The following C5orf46 variants were observed in gnomAD, a reference collection of about 807,000 sequenced individuals.
The protein encoded by C5orf46 is uncharacterized protein C5orf46.
Under a neutral mutation model 8.9 loss-of-function variants are expected in C5orf46, and 9 were observed. The observed-to-expected ratio is 1.01, with a 90% CI of 0.61 to 1.76. The LOEUF (loss-of-function observed/expected upper bound fraction) is 1.76, where lower values mean the gene tolerates loss of function less well. C5orf46 is among the 40% of genes most tolerant of loss of function. C5orf46 has a pLI of 0.00. For missense variants in C5orf46, 98 were observed against 107.8 expected (o/e 0.91, Z 0.40); for synonymous variants, 47 against 41.4 (o/e 1.14, Z -0.52).
chr5:147,900,745 C>T (rs955068174), intron 2 of C5orf46, among the ~76,000 whole-genome samples: 9 of 152,222 alleles, frequency 5.9e-5, no homozygotes, highest in African/African-American at 9.6e-5. Context: ...CCTAGTCAAA[C>T]TCTGCTTAAG....
chr5:147,902,045 A>G (rs1757680421), intron 1 of C5orf46, among the ~76,000 whole-genome samples: 1 of 152,234 alleles, frequency 6.6e-6, no homozygotes, highest in African/African-American at 2.4e-5. Context: ...AGTTCCCAGA[A>G]GCTAAGTACT....
chr5:147,895,680 G>A (rs1283144737), intron 3 of C5orf46, among the ~76,000 whole-genome samples: 1 of 152,124 alleles, frequency 6.6e-6, no homozygotes, highest in East Asian at 1.9e-4. Flanking sequence ...AAAAATTATA[G>A]GTGTGTACCA....
At chr5:147,903,568 C>G (rs923706997) in intron 1 of C5orf46, among the ~76,000 whole-genome samples, 2 of 152,040 alleles carry the variant, frequency 1.3e-5, no homozygotes, top group African/African-American at 2.4e-5. Flanking sequence ...AAAATGGAAA[C>G]TATTAGTAAA....
chr5:147,902,194 G>C (rs978534414), intron 1 of C5orf46, among the ~76,000 whole-genome samples: 3 of 152,176 alleles, frequency 2.0e-5, no homozygotes, highest in African/African-American at 7.2e-5. Flanking sequence ...GCTCATGCCT[G>C]TAATCCCAGC....
At chr5:147,901,430 G>T in intron 2 of C5orf46, 199 bp downstream of exon 2, 1 of 458,988 alleles carries the variant, frequency 2.2e-6, no homozygotes. Flanking sequence ...TGATGGGAAT[G>T]TCCTTTCCCC....
chr5:147,891,634 T>C (rs1361919797), downstream of C5orf46, among the ~76,000 whole-genome samples: 1 of 152,182 alleles, frequency 6.6e-6, no homozygotes, highest in Non-Finnish European at 1.5e-5. Context: ...TTGTAGTAAA[T>C]ATGTTATCTA....
intron 2 of C5orf46, chr5:147,901,384 AAAG>A: frequency 3.3e-6 from 1 of 303,290 alleles, no homozygotes; most frequent in East Asian, 5.3e-5. Flanking sequence ...CTGAGATTAA[AAAG>A]AAAAAAAAAA....
intron 3 of C5orf46, among the ~76,000 whole-genome samples, chr5:147,893,450 A>T (rs1305146624): frequency 6.6e-6 from 1 of 151,502 alleles, no homozygotes; most frequent in Non-Finnish European, 1.5e-5. Context: ...ACACCTGGCT[A>T]ATTTTTTGTA....
chr5:147,888,856 T>G (rs1168825433), downstream of C5orf46, among the ~76,000 whole-genome samples: 1 of 152,212 alleles, frequency 6.6e-6, no homozygotes, highest in Admixed American at 6.5e-5. Context: ...ATTCTTTAAG[T>G]GTATACTTTA....
At chr5:147,898,354 G>A (rs886619468) in intron 2 of C5orf46, among the ~76,000 whole-genome samples, 2 of 152,116 alleles carry the variant, frequency 1.3e-5, no homozygotes, top group African/African-American at 4.8e-5. Flanking sequence ...GTGATGATGA[G>A]CAGGAAGGAT....
chr5:147,889,250 T>A (rs1328828153), downstream of C5orf46, among the ~76,000 whole-genome samples: 1 of 152,110 alleles, frequency 6.6e-6, no homozygotes, highest in Non-Finnish European at 1.5e-5. Flanking sequence ...GAGAAATTAT[T>A]CAGTGACAGT....
chr5:147,902,040 C>A (rs574194224), intron 1 of C5orf46, among the ~76,000 whole-genome samples: 22 of 152,236 alleles, frequency 1.4e-4, no homozygotes, highest in African/African-American at 5.3e-4. Flanking sequence ...ACCAAAGTTC[C>A]CAGAAGCTAA....
chr5:147,886,604 T>TTTTTTCAATGAAAAAG (rs1757424447), intron 2 of C5orf46: 3 of 151,322 alleles, frequency 2.0e-5, no homozygotes, highest in Non-Finnish European at 4.4e-5. Context: ...AAACCACTGT[T>TTTTTTCAATGAAAAAG]CACATTGATG....
intron 3 of C5orf46, among the ~76,000 whole-genome samples, chr5:147,896,012 A>G (rs1408692596): frequency 1.3e-5 from 2 of 152,176 alleles, no homozygotes; most frequent in Non-Finnish European, 2.9e-5. Context: ...CAGATCACAA[A>G]CAGAAGTTGG....
intron 3 of C5orf46, among the ~76,000 whole-genome samples, chr5:147,895,701 T>A (rs1360995474): frequency 1.3e-5 from 2 of 152,146 alleles, no homozygotes; most frequent in Non-Finnish European, 2.9e-5. Flanking sequence ...GAAGCCGGAA[T>A]GAAGGCAAAG....
chr5:147,901,892 G>T, intron 1 of C5orf46, 119 bp from the exon 2 acceptor site: 2 of 1,008,642 alleles, frequency 2.0e-6, no homozygotes, highest in South Asian at 1.9e-5. Context: ...GCCTTATATG[G>T]TTATATTCAT....
chr5:147,892,365 T>C (rs141728861), downstream of C5orf46, among the ~76,000 whole-genome samples: 20 of 152,332 alleles, frequency 1.3e-4, no homozygotes, highest in African/African-American at 4.8e-4. Flanking sequence ...ATTTTATTAA[T>C]TTTAAAAAGG....
At chr5:147,895,426 G>A (rs1757566150) in intron 3 of C5orf46, among the ~76,000 whole-genome samples, 1 of 152,182 alleles carries the variant, frequency 6.6e-6, no homozygotes, top group Non-Finnish European at 1.5e-5. Context: ...TTCATGTGCA[G>A]TTAAAAAATT....
intron 3 of C5orf46, among the ~76,000 whole-genome samples, chr5:147,893,819 AG>A (rs1489932382): frequency 2.0e-5 from 3 of 152,070 alleles, no homozygotes; most frequent in Non-Finnish European, 2.9e-5. Flanking sequence ...GGGATTTGGT[AG>A]GCACCTGTAA....
Sources: gnomAD v4.1 joint callset for allele counts (sites outside exome capture counted in the v4.1 genomes callset) on GRCh38, gnomAD v4.1.1 for gene constraint, MANE v1.5 for transcripts, NCBI Gene and HGNC (gene_info 2026-07-23, HGNC 2026-07-21) for gene names.